The following PIK3AP1 variants were observed in gnomAD, a reference collection of about 807,000 sequenced individuals.
The protein encoded by PIK3AP1 is phosphoinositide-3-kinase adaptor protein 1.
Under a neutral mutation model 88.1 loss-of-function variants are expected in PIK3AP1, and 21 were observed. The ratio of observed to expected loss-of-function variants is 0.24; its 90% confidence interval spans 0.17 to 0.34. PIK3AP1 has a LOEUF of 0.34. Ranked by LOEUF, PIK3AP1 falls within the 10% of genes least tolerant of loss-of-function variation. The probability of loss-of-function intolerance (pLI) is 1.00; values close to 1 mark genes in which losing one functional copy is unlikely to be tolerated. For missense variants in PIK3AP1, 828 were observed against 1,035.7 expected, an observed-to-expected ratio of 0.80 and a Z score of 2.75; for synonymous variants, 398 against 400.0, an observed-to-expected ratio of 1.00 and a Z score of 0.06.
intron 2 of PIK3AP1, among the ~76,000 whole-genome samples, chr10:96,663,584 C>G (rs954584372): frequency 1.5e-5 from 2 of 135,714 alleles, no homozygotes; most frequent in Non-Finnish European, 3.1e-5. Context: ...GAGTCGAGAT[C>G]GCACCACTGT....
intron 2 of PIK3AP1, among the ~76,000 whole-genome samples, chr10:96,687,073 G>A (rs534813677): frequency 4.0e-5 from 6 of 151,774 alleles, no homozygotes; most frequent in Admixed American, 2.6e-4. Context: ...TGGCTAATAC[G>A]GTGAAACCCC....
At chr10:96,683,889 T>C (rs1030917296) in intron 2 of PIK3AP1, among the ~76,000 whole-genome samples, 3 of 152,220 alleles carry the variant, frequency 2.0e-5, no homozygotes, top group African/African-American at 7.2e-5. Context: ...CAAGACTGTA[T>C]ATATAGGAAG....
intron 2 of PIK3AP1, among the ~76,000 whole-genome samples, chr10:96,679,722 A>G (rs1202926345): frequency 2.0e-5 from 3 of 152,158 alleles, no homozygotes; most frequent in Non-Finnish European, 4.4e-5. Flanking sequence ...GTGTTCAGCC[A>G]CAGCACCAAG....
At chr10:96,631,648 G>T (rs868472201) in intron 8 of PIK3AP1, among the ~76,000 whole-genome samples, 2 of 152,142 alleles carry the variant, frequency 1.3e-5, no homozygotes, top group African/African-American at 4.8e-5. Context: ...CAGCAATTTG[G>T]GAGGCCAAGG....
chr10:96,684,527 C>G (rs1336558401), intron 2 of PIK3AP1, among the ~76,000 whole-genome samples: 8 of 152,194 alleles, frequency 5.3e-5, no homozygotes, highest in Non-Finnish European at 1.2e-4. Flanking sequence ...TTCCACTGTC[C>G]AAGGCAGCCT....
At position 96,709,796 on chromosome 10, in the gene PIK3AP1, G is replaced by T. The variant is rs767322969; in HGVS notation, c.201C>A (p.Val67=). 6.2e-7 allele frequency: 1 copy of T among 1,613,454 alleles called. No homozygotes were observed. The highest frequency in any genetic ancestry group is 8.5e-7 in the Non-Finnish European group (1 of 1,179,600). Residue 67 remains valine (V), a synonymous_variant, in exon 2 of 17, where the codon GTC becomes GTA. Coordinates refer to ENST00000339364, the MANE Select transcript of PIK3AP1 (RefSeq NM_152309.3). ...DLSLFLSTRC[V]VVLLSAELVQ... ...CCAGCTCCGCGGACAGCAGCACCAC[G>T]ACACAGCGGGTGCTGAGGAAAAGGC...
chr10:96,645,475 A>G lies in PIK3AP1; in HGVS notation c.1373T>C (p.Leu458Pro), dbSNP rs1011493052. ...CAGAACTGGGTTGTGCTACTTACAG[A>G]GGTCTTCAGTGGCAGCTGGGACAAA... Reference protein sequence around the residue: ...AAFVPAATEDLYVEMLQASTS... With the variant: ...AAFVPAATEDPYVEMLQASTS... Residue 458 changes from leucine to proline, a missense_variant and splice_region_variant, in exon 8 of 17, where the codon CTC (leucine) becomes CCC (proline). Physicochemically the swap from Leu to Pro is moderately conservative, Grantham distance 98. Coordinates refer to ENST00000339364, the MANE Select transcript of PIK3AP1 (RefSeq NM_152309.3). 2 of 1,612,888 alleles carry G rather than the reference A, an allele frequency of 1.2e-6. No individual in the cohort carries two copies. The highest frequency in any genetic ancestry group is 2.7e-5 in the African/African-American group (2 of 74,840).
At chr10:96,710,504 G>C (rs765013069) in intron 1 of PIK3AP1, among the ~76,000 whole-genome samples, 52 of 152,174 alleles carry the variant, frequency 3.4e-4, no homozygotes, top group Admixed American at 5.9e-4. Flanking sequence ...TTACAGGCGT[G>C]AGCCACCAGG....
intron 8 of PIK3AP1, among the ~76,000 whole-genome samples, chr10:96,641,247 G>A (rs1168712047): frequency 6.6e-6 from 1 of 152,114 alleles, no homozygotes; most frequent in Non-Finnish European, 1.5e-5. Context: ...AACACTGGGA[G>A]CTTCCCCTAT....
chr10:96,633,022 C>T, intron 8 of PIK3AP1: 1 of 1,612,300 alleles, frequency 6.2e-7, no homozygotes, highest in South Asian at 1.1e-5. Flanking sequence ...TGCAAAGAGA[C>T]AAGATCCATA....
Position 96,666,202 on chromosome 10 carries a change from A to G in PIK3AP1, c.431-9268T>C, listed in dbSNP as rs1384052789. Among the ~76,000 whole-genome samples, 7 of 152,138 alleles carry G rather than the reference A, an allele frequency of 4.6e-5. No homozygotes were observed. The East Asian group carries it at 1.2e-3, about 25-fold the overall frequency. On this transcript the variant is annotated intron_variant, in intron 2 of 16. Coordinates refer to ENST00000339364, the MANE Select transcript of PIK3AP1 (RefSeq NM_152309.3). ...TGGGAGGCCGAGGCGGGAGGATCAC[A>G]AGGTCAGGAGATCGAGACCATCCTG...
intron 8 of PIK3AP1, among the ~76,000 whole-genome samples, chr10:96,641,929 T>C (rs1432940203): frequency 6.6e-6 from 1 of 152,180 alleles, no homozygotes; most frequent in Non-Finnish European, 1.5e-5. Flanking sequence ...TTTATCCTAC[T>C]TCTTTATGAA....
intron 2 of PIK3AP1, among the ~76,000 whole-genome samples, chr10:96,678,754 T>G (rs559853111): frequency 6.6e-6 from 1 of 152,228 alleles, no homozygotes; most frequent in South Asian, 2.1e-4. Context: ...CCTTCCTCCT[T>G]TTCACTTTTC....
chr10:96,708,053 T>G (rs1844387548), intron 2 of PIK3AP1, among the ~76,000 whole-genome samples: 2 of 152,196 alleles, frequency 1.3e-5, no homozygotes, highest in Non-Finnish European at 2.9e-5. Flanking sequence ...ATTACCTTTT[T>G]AAGGCCACTG....
chr10:96,686,716 A>C (rs1325798858), intron 2 of PIK3AP1, among the ~76,000 whole-genome samples: 1 of 151,986 alleles, frequency 6.6e-6, no homozygotes, highest in Non-Finnish European at 1.5e-5. Context: ...ATACAGAGAC[A>C]GCACAGTCAG....
intron 2 of PIK3AP1, among the ~76,000 whole-genome samples, chr10:96,707,756 A>C (rs1844383699): frequency 6.6e-6 from 1 of 152,208 alleles, no homozygotes; most frequent in Non-Finnish European, 1.5e-5. Context: ...GTTGTGTCTC[A>C]GTTTTTTGTA....
At chr10:96,628,897 T>TACAC (rs1564961287) in intron 8 of PIK3AP1, among the ~76,000 whole-genome samples, 3 of 25,712 alleles carry the variant, frequency 1.2e-4, no homozygotes, top group Admixed American at 8.1e-4. Flanking sequence ...TACATATATA[T>TACAC]ATATATATAT....
intron 8 of PIK3AP1, among the ~76,000 whole-genome samples, chr10:96,631,129 C>T (rs1843239234): frequency 6.6e-6 from 1 of 152,186 alleles, no homozygotes; most frequent in African/African-American, 2.4e-5. Flanking sequence ...AACTCCACAG[C>T]CCTGTGGTCC....
chr10:96,652,619 T>C, intron 4 of PIK3AP1, 79 bp downstream of exon 4: 2 of 1,483,056 alleles, frequency 1.3e-6, no homozygotes, highest in Admixed American at 1.8e-5. Flanking sequence ...TGATAATACC[T>C]GGCATTGGTG....
Sources: allele counts gnomAD v4.1 joint callset (sites outside exome capture counted in the v4.1 genomes callset), GRCh38; gene constraint gnomAD v4.1.1; transcripts MANE v1.5; gene names NCBI Gene and HGNC (gene_info 2026-07-23, HGNC 2026-07-21).